Variants in EFCAB13 observed in about 807,000 individuals in gnomAD.
EFCAB13 encodes EF-hand calcium binding domain 13.
In EFCAB13, 91 loss-of-function variants were observed where a neutral mutation model predicts 110.2. That is an observed-to-expected ratio of 0.83 (90% CI 0.70 to 0.98). EFCAB13 has a LOEUF of 0.98. Among genes scored for constraint, EFCAB13 ranks in the 50% least tolerant of loss-of-function variants. The probability of loss-of-function intolerance (pLI) is 0.00; values close to 1 mark genes in which losing one functional copy is unlikely to be tolerated. For missense variants in EFCAB13, 968 were observed against 1,119.4 expected (o/e 0.86, Z 1.93); for synonymous variants, 323 against 369.9 (o/e 0.87, Z 1.45).
chr17:47,401,961 A>G (rs1311446493), intron 17 of EFCAB13, among the ~76,000 whole-genome samples, 171 bp from the exon 18 acceptor site: 1 of 152,180 alleles, frequency 6.6e-6, no homozygotes, highest in Admixed American at 6.5e-5. Flanking sequence ...TGACTTCTAT[A>G]GTCTTAATAT....
intron 10 of EFCAB13, among the ~76,000 whole-genome samples, chr17:47,368,074 T>C (rs76186063): frequency 0.023 from 3,445 of 152,312 alleles, 108 homozygotes; most frequent in East Asian, 0.18. Context: ...TTATTCCATA[T>C]AATGATCAGT....
At chr17:47,421,121 G>T (rs1286972409) in intron 23 of EFCAB13, among the ~76,000 whole-genome samples, 1 of 151,964 alleles carries the variant, frequency 6.6e-6, no homozygotes, top group African/African-American at 2.4e-5. Flanking sequence ...CCTCTGCCCG[G>T]CCACCACCCC....
chr17:47,346,435 C>CA lies in EFCAB13; in HGVS notation c.517+1337_517+1338insA, dbSNP rs1014058928. Among the ~76,000 whole-genome samples, 11 of 104,224 alleles carry CA rather than the reference C, an allele frequency of 1.1e-4. 1 individual carries two copies. The allele number at this position is 104,224 out of a possible 152,430, so 68.4% of individuals were successfully genotyped here. ...GTCATATGTATATAACGTACTTTACCCCCCCCCCCATTTATCTGACATTTA... is the reference window on the plus strand; with the variant it reads ...GTCATATGTATATAACGTACTTTACCACCCCCCCCCATTTATCTGACATTTA... On this transcript the variant is annotated intron_variant, in intron 8 of 24. Coordinates refer to ENST00000331493, the MANE Select transcript of EFCAB13 (RefSeq NM_152347.5).
chr17:47,390,233 CTT>C (rs1488968142), intron 14 of EFCAB13, among the ~76,000 whole-genome samples: 1 of 149,694 alleles, frequency 6.7e-6, no homozygotes, highest in Admixed American at 6.7e-5. Flanking sequence ...TATTATAAAA[CTT>C]ATTGAGAGAG....
rs1905120320 is a variant in EFCAB13, at chr17:47,431,800, T to G, written c.2638+1839T>G. Among the ~76,000 whole-genome samples the G allele has an allele frequency of 6.6e-6, 1 of 152,186 alleles. No homozygotes were observed. ...ATTTATTGTCAAATTCAAATTTTTT[T>G]ATATTCTTACTGATGTTTTATTTCT... On this transcript the variant is annotated intron_variant, in intron 24 of 24. Coordinates refer to ENST00000331493, the MANE Select transcript of EFCAB13 (RefSeq NM_152347.5). This position sits in a 1 kb window ranked among gnomAD's most constrained non-coding sequence, Gnocchi z 4.1.
chr17:47,383,936 G>T (rs1177277999), intron 14 of EFCAB13, among the ~76,000 whole-genome samples: 5 of 152,134 alleles, frequency 3.3e-5, no homozygotes, highest in African/African-American at 1.2e-4. Context: ...TGATAGTGGG[G>T]TGTGAAATTC....
intron 12 of EFCAB13, among the ~76,000 whole-genome samples, chr17:47,375,452 C>G (rs2065609783): frequency 6.6e-6 from 1 of 151,444 alleles, no homozygotes; most frequent in South Asian, 2.1e-4. Context: ...TGCCACCACA[C>G]CCAGCTAACT....
In EFCAB13 at chr17:47,395,965, G is replaced by A. The variant is rs1191402263; in HGVS notation, c.1933G>A (p.Val645Met). ...TGAATTTCTAGCTGCATTGGAACTA[G>A]TGACAGTTGATGGTGAGTGTTACAA... is the stretch of plus-strand genomic sequence containing the variant. ...KDEFLAALEL[V>M]TVDEGDKVQF... The change falls in exon 17 of 25, where the codon GTG (valine) becomes ATG (methionine). Residue 645 changes from valine to methionine, a missense_variant. Physicochemically the swap from Val to Met is conservative, Grantham distance 21. Transcript: ENST00000331493. 2 of 1,606,444 alleles carry A rather than the reference G, an allele frequency of 1.2e-6. No individual in the cohort carries two copies. The highest frequency in any genetic ancestry group is 1.7e-6 in the Non-Finnish European group (2 of 1,175,634).
At chr17:47,336,981 C>T (rs2143240747) in intron 5 of EFCAB13, among the ~76,000 whole-genome samples, 1 of 152,284 alleles carries the variant, frequency 6.6e-6, no homozygotes, top group Admixed American at 6.5e-5. Flanking sequence ...CTGGAAATTA[C>T]CTACACATTG....
chr17:47,392,423 TGAA>T (rs1404490164), intron 15 of EFCAB13, among the ~76,000 whole-genome samples: 1 of 151,608 alleles, frequency 6.6e-6, no homozygotes, highest in Non-Finnish European at 1.5e-5. Context: ...AAAGCACTCT[TGAA>T]GAAGAACATT....
intron 4 of EFCAB13, among the ~76,000 whole-genome samples, chr17:47,330,181 C>T (rs563466415): frequency 6.7e-6 from 1 of 149,368 alleles, no homozygotes; most frequent in East Asian, 2.0e-4. Flanking sequence ...TTTATTGTCA[C>T]TAAACTCTAT....
Position 47,417,397 on chromosome 17 carries a change from C to T in EFCAB13, c.2494+2478C>T, listed in dbSNP as rs1313657743. 3.9e-5 allele frequency among the ~76,000 whole-genome samples: 6 copies of T among 152,174 alleles called. No homozygotes were observed. In the East Asian group the frequency reaches 1.2e-3, roughly 29 times the overall value. ...CTCTAAGAATGTTTCTCTATGATAC[C>T]AATCTTTCACTGTTTGCTTTAGTTT... On this transcript the variant is annotated intron_variant, in intron 23 of 24. Transcript: ENST00000331493.
At chr17:47,380,504 AAG>A (rs2065641262) in intron 14 of EFCAB13, among the ~76,000 whole-genome samples, 1 of 152,160 alleles carries the variant, frequency 6.6e-6, no homozygotes, top group Non-Finnish European at 1.5e-5. Flanking sequence ...GGTTGGTTCC[AAG>A]TCTTTGCTAT....
At chr17:47,353,596 C>T (rs1472307001) in intron 9 of EFCAB13, among the ~76,000 whole-genome samples, 1 of 152,052 alleles carries the variant, frequency 6.6e-6, no homozygotes, top group Admixed American at 6.6e-5. Flanking sequence ...GCACCCAGCC[C>T]AGATTTTATT....
intron 17 of EFCAB13, among the ~76,000 whole-genome samples, chr17:47,398,076 CG>C (rs1221186578): frequency 7.2e-6 from 1 of 138,626 alleles, no homozygotes; most frequent in Admixed American, 6.9e-5. Flanking sequence ...GGGGTCAGCC[CG>C]CCGCCCGGCC....
chr17:47,414,898 C>T lies in EFCAB13; in HGVS notation c.2473C>T (p.Pro825Ser). 2.5e-6 allele frequency: 4 copies of T among 1,605,778 alleles called. No individual in the cohort carries two copies. The highest frequency in any genetic ancestry group is 2.6e-6 in the Non-Finnish European group (3 of 1,174,068). The change falls in exon 23 of 25, where the codon CCA becomes TCA. Residue 825 changes from proline to serine, a missense_variant. Pro to Ser is a moderately conservative substitution (Grantham distance 74). Coordinates refer to ENST00000331493, the MANE Select transcript of EFCAB13 (RefSeq NM_152347.5). Reference protein sequence around the residue: ...KDFLMKMKESPHFQKSKATQI... With the variant: ...KDFLMKMKESSHFQKSKATQI... ...TTTCTTAATGAAAATGAAAGAAAGT[C>T]CACATTTCCAAAAGTCCAAGGGTAA... is the stretch of plus-strand genomic sequence containing the variant.
intron 24 of EFCAB13, 148 bp from the exon 25 acceptor site, chr17:47,440,283 T>C (rs1905293947): frequency 1.5e-6 from 1 of 647,002 alleles, no homozygotes; most frequent in South Asian, 3.3e-5. Flanking sequence ...GATAATCATA[T>C]GCATGCAAGA....
intron 10 of EFCAB13, among the ~76,000 whole-genome samples, chr17:47,370,116 A>C (rs1840363237): frequency 6.6e-6 from 1 of 152,222 alleles, no homozygotes. Context: ...AATGAAGTCA[A>C]AAGAGTAAAT....
chr17:47,389,657 T>C (rs2065695353), intron 14 of EFCAB13, among the ~76,000 whole-genome samples: 1 of 151,414 alleles, frequency 6.6e-6, no homozygotes. Flanking sequence ...AGTTGGAAAC[T>C]CATTCTCTTC....
Sources: gnomAD v4.1 joint callset for allele counts (sites outside exome capture counted in the v4.1 genomes callset) on GRCh38, gnomAD v4.1.1 for gene constraint, Gnocchi (gnomAD v3.1) non-coding constraint, MANE v1.5 for transcripts, NCBI Gene and HGNC (gene_info 2026-07-23, HGNC 2026-07-21) for gene names.